TBC1D22A: variants seen among roughly 807,000 people sequenced by gnomAD.
TBC1D22A encodes putative GTPase activator.
Under a neutral mutation model 60.2 loss-of-function variants are expected in TBC1D22A, and 38 were observed. The observed-to-expected ratio is 0.63, with a 90% CI of 0.49 to 0.83. TBC1D22A has a LOEUF of 0.83. Among genes scored for constraint, TBC1D22A ranks in the 40% least tolerant of loss-of-function variants. TBC1D22A has a pLI of 0.00. For missense variants in TBC1D22A, 628 were observed against 701.0 expected (o/e 0.90, Z 1.18); for synonymous variants, 302 against 281.7 (o/e 1.07, Z -0.72).
chr22:47,056,957 C>T (rs1014161834), intron 11 of TBC1D22A, among the ~76,000 whole-genome samples: 1 of 152,142 alleles, frequency 6.6e-6, no homozygotes, highest in Non-Finnish European at 1.5e-5. Flanking sequence ...AGGGAGGGGT[C>T]CAGCAGCCGC....
intron 4 of TBC1D22A, among the ~76,000 whole-genome samples, chr22:46,840,741 A>T (rs1164655473): frequency 1.3e-5 from 2 of 152,176 alleles, no homozygotes. Flanking sequence ...TACAAAAAAA[A>T]AAAAAAGACA....
At chr22:46,944,560 G>A (rs1054105802) in intron 8 of TBC1D22A, among the ~76,000 whole-genome samples, 4 of 152,022 alleles carry the variant, frequency 2.6e-5, no homozygotes, top group South Asian at 2.1e-4. Flanking sequence ...CACCATGCCC[G>A]GCTAATTTCT....
chr22:47,017,925 A>C (rs2061959382), intron 10 of TBC1D22A, among the ~76,000 whole-genome samples: 1 of 152,232 alleles, frequency 6.6e-6, no homozygotes, highest in Admixed American at 6.5e-5. Flanking sequence ...GGTAGCCGCG[A>C]ACGTCCCTTT....
intron 11 of TBC1D22A, among the ~76,000 whole-genome samples, chr22:47,098,588 G>A (rs1331448845): frequency 6.6e-6 from 1 of 152,022 alleles, no homozygotes; most frequent in Non-Finnish European, 1.5e-5. Context: ...GTTGCCCTGG[G>A]GAAGGGCCAG....
Position 46,829,181 on chromosome 22 carries a change from C to G in TBC1D22A, c.637+31561C>G, listed in dbSNP as rs1408255451. Among the ~76,000 whole-genome samples the G allele has an allele frequency of 2.0e-5, 3 of 152,174 alleles. No individual in the cohort carries two copies. In the South Asian group the frequency reaches 6.2e-4, roughly 32 times the overall value. ...TTTTTCTTTGACTCTTCTCTCTGTC[C>G]TTACAAAATTAATTGTGCAGTAATC... On this transcript the variant is annotated intron_variant, in intron 4 of 12. Coordinates refer to ENST00000337137, the MANE Select transcript of TBC1D22A (RefSeq NM_014346.5).
intron 4 of TBC1D22A, among the ~76,000 whole-genome samples, chr22:46,851,668 T>G (rs111639971): frequency 3.4e-4 from 52 of 152,338 alleles, no homozygotes; most frequent in African/African-American, 1.2e-3. Context: ...ATGCAGTGAT[T>G]AGAATTCCTC....
chr22:47,170,848 GCAGGACCGGAGAGAGGACAGTCC>G lies in TBC1D22A; in HGVS notation c.1426-2649_1426-2627del, dbSNP rs1469748966. Among the ~76,000 whole-genome samples, 191 of 142,468 alleles carry G rather than the reference GCAGGACCGGAGAGAGGACAGTCC, an allele frequency of 1.3e-3. 57 individuals carry two copies. Among genetic ancestry groups the G allele is most frequent in the African/African-American group, 1.5e-3 (58 of 37,646 alleles). The allele number at this position is 142,468 out of a possible 152,430, so 93.5% of individuals were successfully genotyped here. A position where few individuals can be genotyped will look rare whatever the true frequency, so the allele number is the denominator to read the frequency against. ...AGTCCTGGTGTGTAACCCTCCTGAT[GCAGGACCGGAGAGAGGACAGTCC>G]TGGTGTGTAACCCTCCTGATGCAGG... On this transcript the variant is annotated intron_variant, in intron 12 of 12. Transcript: ENST00000337137.
At chr22:47,160,319 C>T (rs941161216) in intron 12 of TBC1D22A, among the ~76,000 whole-genome samples, 1 of 152,200 alleles carries the variant, frequency 6.6e-6, no homozygotes, top group Non-Finnish European at 1.5e-5. Flanking sequence ...GTGTGAGGGG[C>T]CCTCCCTTGC....
chr22:46,811,065 C>T (rs1328359427), intron 4 of TBC1D22A, among the ~76,000 whole-genome samples: 2 of 152,206 alleles, frequency 1.3e-5, no homozygotes, highest in Non-Finnish European at 2.9e-5. Flanking sequence ...TTACCAAGTA[C>T]CCTGGGTGCA....
chr22:46,869,517 G>A (rs1310182264), intron 4 of TBC1D22A, among the ~76,000 whole-genome samples: 1 of 152,222 alleles, frequency 6.6e-6, no homozygotes, highest in Non-Finnish European at 1.5e-5. Flanking sequence ...TCTGGGGAGT[G>A]TCTCAGTGGC....
chr22:47,059,204 C>T (rs1055517566), intron 11 of TBC1D22A, among the ~76,000 whole-genome samples: 4 of 152,254 alleles, frequency 2.6e-5, no homozygotes, highest in Non-Finnish European at 5.9e-5. Flanking sequence ...GCCGTGTGGG[C>T]GCCTCCACTG....
intron 12 of TBC1D22A, among the ~76,000 whole-genome samples, chr22:47,164,739 C>T (rs370538089): frequency 6.6e-6 from 1 of 152,220 alleles, no homozygotes; most frequent in Non-Finnish European, 1.5e-5. Flanking sequence ...GGGGTCGCTC[C>T]GCTGGCAGCG....
intron 10 of TBC1D22A, among the ~76,000 whole-genome samples, chr22:47,033,974 C>T (rs1278516146): frequency 1.3e-5 from 2 of 152,136 alleles, no homozygotes; most frequent in Non-Finnish European, 2.9e-5. Flanking sequence ...GTCTCTCTGT[C>T]CCCCGAGGGA....
At chr22:47,137,407 C>A (rs1040100765) in intron 12 of TBC1D22A, among the ~76,000 whole-genome samples, 1 of 152,182 alleles carries the variant, frequency 6.6e-6, no homozygotes, top group African/African-American at 2.4e-5. Context: ...CATCACTGCC[C>A]CCTCACTGCC....
intron 11 of TBC1D22A, among the ~76,000 whole-genome samples, chr22:47,090,313 C>T (rs1276588666): frequency 6.6e-6 from 1 of 151,458 alleles, no homozygotes; most frequent in East Asian, 1.9e-4. Flanking sequence ...ACAGGAGACC[C>T]AGTCCCAGCC....
At chr22:46,952,209 C>T (rs2072947446) in intron 8 of TBC1D22A, among the ~76,000 whole-genome samples, 1 of 103,652 alleles carries the variant, frequency 9.6e-6, no homozygotes, top group South Asian at 2.9e-4. Context: ...GCATTTTCCT[C>T]CCAGGCTCCG....
At chr22:46,821,666 C>T (rs997874776) in intron 4 of TBC1D22A, among the ~76,000 whole-genome samples, 6 of 152,166 alleles carry the variant, frequency 3.9e-5, no homozygotes, top group African/African-American at 1.4e-4. Context: ...CTGTTCTTAA[C>T]AGTTTTTCCT....
chr22:47,038,265 G>A (rs1351461829), intron 11 of TBC1D22A, among the ~76,000 whole-genome samples: 1 of 152,240 alleles, frequency 6.6e-6, no homozygotes, highest in Non-Finnish European at 1.5e-5. Context: ...AGTGAGCACA[G>A]CCCTTCATCG....
chr22:46,847,128 G>A (rs941391278), intron 4 of TBC1D22A, among the ~76,000 whole-genome samples: 7 of 152,198 alleles, frequency 4.6e-5, no homozygotes. Context: ...AACCAGTTCT[G>A]CGGTGACCTC....
Sources: gnomAD v4.1 joint callset for allele counts (sites outside exome capture counted in the v4.1 genomes callset) on GRCh38, gnomAD v4.1.1 for gene constraint, MANE v1.5 for transcripts, NCBI Gene and HGNC (gene_info 2026-07-23, HGNC 2026-07-21) for gene names.